Variants in POLK observed in about 807,000 individuals in gnomAD.
The protein encoded by POLK is polymerase (DNA directed) kappa.
Under a neutral mutation model 94.0 loss-of-function variants are expected in POLK, and 76 were observed. The observed-to-expected ratio is 0.81, with a 90% CI of 0.67 to 0.98. The LOEUF (loss-of-function observed/expected upper bound fraction) is 0.98, where lower values mean the gene tolerates loss of function less well. Among genes scored for constraint, POLK ranks in the 50% least tolerant of loss-of-function variants. The probability of loss-of-function intolerance (pLI) is 0.00; values close to 1 mark genes in which losing one functional copy is unlikely to be tolerated. For synonymous variants in POLK, 349 were observed against 325.4 expected, an observed-to-expected ratio of 1.07 and a Z score of -0.78; for missense variants, 954 against 1,010.1, an observed-to-expected ratio of 0.94 and a Z score of 0.75.
At position 75,573,725 on chromosome 5, in the gene POLK, A is replaced by C. The variant is rs1369077401; in HGVS notation, c.409-13A>C. 2.5e-6 allele frequency: 4 copies of C among 1,610,078 alleles called. No homozygotes were observed. Among genetic ancestry groups the C allele is most frequent in the Admixed American group, 1.7e-5 (1 of 59,938 alleles). ...TTTGTGTATTTTTTTCCATGTGGTC[A>C]ATTTTCTTTCAGTCTACTTCAAATT... is the stretch of plus-strand genomic sequence containing the variant. On this transcript the variant is annotated splice_polypyrimidine_tract_variant and intron_variant, in intron 4 of 14. Coordinates refer to ENST00000241436, the Ensembl canonical transcript of POLK.
intron 14 of POLK, 37 bp from the exon 15 acceptor site, chr5:75,597,897 T>G (rs897732073): frequency 8.3e-6 from 10 of 1,198,452 alleles, no homozygotes; most frequent in Non-Finnish European, 1.2e-5. Flanking sequence ...CTAGAATCTC[T>G]TCCTGCATTT....
chr5:75,517,000 C>T (rs1392925279), intron 1 of POLK, among the ~76,000 whole-genome samples: 2 of 152,100 alleles, frequency 1.3e-5, no homozygotes, highest in East Asian at 3.9e-4. Context: ...TCCATTTGTC[C>T]ATGTGTCTAT....
At chr5:75,551,817 A>G (rs963206923) in intron 2 of POLK, among the ~76,000 whole-genome samples, 1 of 152,200 alleles carries the variant, frequency 6.6e-6, no homozygotes, top group Non-Finnish European at 1.5e-5. Flanking sequence ...CATTTCCTCA[A>G]AAGGTTGAGT....
chr5:75,578,172 T>C (rs1043479657), intron 6 of POLK, among the ~76,000 whole-genome samples: 1 of 152,238 alleles, frequency 6.6e-6, no homozygotes, highest in African/African-American at 2.4e-5. Context: ...TTTCTTTTTT[T>C]TGAGATAGGG....
chr5:75,564,757 G>C (rs976582817), intron 3 of POLK, among the ~76,000 whole-genome samples: 2 of 152,184 alleles, frequency 1.3e-5, no homozygotes, highest in Non-Finnish European at 2.9e-5. Flanking sequence ...GAGATCTGCC[G>C]TTATTCTGAT....
At chr5:75,596,922 G>C (rs1256028470) in exon 13 of POLK, 1 of 1,613,522 alleles carries the variant, frequency 6.2e-7, no homozygotes, top group East Asian at 2.2e-5. Flanking sequence ...ACTGTCATCA[G>C]AATTCTTCTT....
chr5:75,537,192 C>T (rs1021997208), intron 1 of POLK, among the ~76,000 whole-genome samples: 3 of 152,176 alleles, frequency 2.0e-5, no homozygotes, highest in African/African-American at 4.8e-5. Context: ...TGCTCCGGGG[C>T]GCAAAGCTTG....
intron 6 of POLK, among the ~76,000 whole-genome samples, chr5:75,579,044 C>CA (rs548435411): frequency 3.9e-5 from 6 of 152,134 alleles, no homozygotes; most frequent in Non-Finnish European, 8.8e-5. Context: ...CCAGGCCTCA[C>CA]AAAAAAGTAG....
At chr5:75,587,118 G>GA (rs1412986466) in intron 10 of POLK, 60 bp downstream of exon 10, 1 of 971,480 alleles carries the variant, frequency 1.0e-6, no homozygotes, top group Non-Finnish European at 1.5e-6. Flanking sequence ...AACTAATATT[G>GA]AATTAATTTT....
At chr5:75,559,500 GGTTT>G (rs1349842682) in intron 3 of POLK, among the ~76,000 whole-genome samples, 1 of 143,278 alleles carries the variant, frequency 7.0e-6, no homozygotes, top group East Asian at 2.0e-4. Flanking sequence ...ATTGATTTGG[GGTTT>G]GTTTTTTTGT....
exon 10 of POLK, chr5:75,587,029 T>C (rs199858429): frequency 5.2e-6 from 8 of 1,552,256 alleles, no homozygotes; most frequent in African/African-American, 4.1e-5. Flanking sequence ...TTTCAAGGGA[T>C]GGAGAGAGGA....
chr5:75,587,909 G>T (rs1285905120), intron 10 of POLK, among the ~76,000 whole-genome samples: 1 of 152,102 alleles, frequency 6.6e-6, no homozygotes, highest in Non-Finnish European at 1.5e-5. Flanking sequence ...GACAGAGTGA[G>T]ACTCTGTCTC....
chr5:75,527,463 G>A (rs1768915422), intron 1 of POLK, among the ~76,000 whole-genome samples: 1 of 149,622 alleles, frequency 6.7e-6, no homozygotes, highest in African/African-American at 2.5e-5. Flanking sequence ...CTGGGTGACA[G>A]AGTGAGACCC....
chr5:75,538,792 T>C (rs1769588466), intron 1 of POLK: 1 of 152,202 alleles, frequency 6.6e-6, no homozygotes, highest in Non-Finnish European at 1.5e-5. Context: ...ATTTTTGAGA[T>C]GGAGTTTTGC....
chr5:75,573,201 A>T (rs1342140104), intron 4 of POLK, among the ~76,000 whole-genome samples: 1 of 152,178 alleles, frequency 6.6e-6, no homozygotes, highest in Non-Finnish European at 1.5e-5. Flanking sequence ...TGATGAGTTC[A>T]TGTCCTTTTT....
Position 75,538,553 on chromosome 5 carries a change from GGAGA to G in POLK, c.-13-8450_-13-8447del, listed in dbSNP as rs368627750. 80 of 152,230 alleles carry G rather than the reference GGAGA, an allele frequency of 5.3e-4. 1 individual carries two copies. In the East Asian group the frequency reaches 0.014, roughly 27 times the overall value. The allele number at this position is 152,230 out of a possible 1,614,324, so 9.4% of individuals were successfully genotyped here. A position where few individuals can be genotyped will look rare whatever the true frequency, so the allele number is the denominator to read the frequency against. On this transcript the variant is annotated intron_variant, in intron 1 of 14. Coordinates refer to ENST00000241436, the Ensembl canonical transcript of POLK. Reference sequence around the variant, plus strand: ...ACAAACCAAGTTATAGTATCTCAGAGGAGAGAGAGATATCATCTCATCAATTTTT... The same window carrying G: ...ACAAACCAAGTTATAGTATCTCAGAGGAGAGATATCATCTCATCAATTTTT...
At chr5:75,569,574 A>C (rs1386389582) in intron 4 of POLK, 82 bp downstream of exon 4, 4 of 1,180,246 alleles carry the variant, frequency 3.4e-6, no homozygotes, top group Admixed American at 2.2e-5. Flanking sequence ...GGAATTCTTT[A>C]TTGAGGTCTA....
intron 3 of POLK, among the ~76,000 whole-genome samples, chr5:75,556,133 A>G (rs1258120053): frequency 6.6e-6 from 1 of 152,230 alleles, no homozygotes; most frequent in Non-Finnish European, 1.5e-5. Context: ...CCCACCAACA[A>G]TGAATGAGGA....
upstream of POLK, chr5:75,511,534 A>G (rs1386477665): frequency 6.1e-6 from 9 of 1,463,842 alleles, no homozygotes; most frequent in South Asian, 1.1e-4. Flanking sequence ...TAGGGAAGGA[A>G]AAGGGAAAAG....
Sources: allele counts gnomAD v4.1 joint callset (sites outside exome capture counted in the v4.1 genomes callset), GRCh38; gene constraint gnomAD v4.1.1; transcripts MANE v1.5; gene names NCBI Gene and HGNC (gene_info 2026-07-23, HGNC 2026-07-21).